NT5DC3: variants seen among roughly 807,000 people sequenced by gnomAD.
NT5DC3 encodes 5'-nucleotidase domain containing 3.
Under a neutral mutation model 67.8 loss-of-function variants are expected in NT5DC3, and 42 were observed. That is an observed-to-expected ratio of 0.62 (90% CI 0.48 to 0.80). The LOEUF (loss-of-function observed/expected upper bound fraction) is 0.80. NT5DC3 is among the 30% of genes least tolerant of loss of function. The pLI is 0.00. For missense variants in NT5DC3, 570 were observed against 696.4 expected (o/e 0.82, Z 2.04); for synonymous variants, 237 against 255.6 (o/e 0.93, Z 0.69).
downstream of NT5DC3, among the ~76,000 whole-genome samples, chr12:103,768,255 T>C (rs536519371): frequency 1.1e-4 from 17 of 151,390 alleles, no homozygotes; most frequent in African/African-American, 4.1e-4. Context: ...GCCGACATGG[T>C]GAAACCCTGT....
chr12:103,747,172 A>T, the NT5DC3 span, among the ~76,000 whole-genome samples: 108 of 152,188 alleles, frequency 7.1e-4, 2 homozygotes, highest in Middle Eastern at 0.027. Context: ...TTCAAAAAAA[A>T]ATCAGAAAAT....
the NT5DC3 span, among the ~76,000 whole-genome samples, chr12:103,756,635 C>A: frequency 6.6e-6 from 1 of 152,176 alleles, no homozygotes; most frequent in African/African-American, 2.4e-5. Context: ...TCCAGCCTCC[C>A]CCTCATGCTT....
At chr12:103,808,454 T>C (rs1051455377) in intron 2 of NT5DC3, among the ~76,000 whole-genome samples, 1 of 152,224 alleles carries the variant, frequency 6.6e-6, no homozygotes, top group Non-Finnish European at 1.5e-5. Context: ...CCTCCTTCCA[T>C]GGCTGAGCGG....
chr12:103,795,136 G>A lies in NT5DC3; in HGVS notation c.754-1139C>T, dbSNP rs560708173. Among the ~76,000 whole-genome samples, 5 of 152,306 alleles carry A rather than the reference G, an allele frequency of 3.3e-5. 1 individual carries two copies. Among genetic ancestry groups the A allele is most frequent in the African/African-American group, 1.2e-4 (5 of 41,564 alleles). On this transcript the variant is annotated intron_variant, in intron 6 of 13. Transcript: ENST00000392876. The stretch of plus-strand genomic sequence containing the variant: ...TTCAATTTCACACCAGCAGCAGAAG[G>A]CAGCAGTTAAATGCAAGTCAGACTG...
intron 11 of NT5DC3, chr12:103,785,751 TAAAAAAAAAAAAAAAA>T (rs201632707): frequency 3.3e-4 from 120 of 366,972 alleles, no homozygotes; most frequent in Middle Eastern, 8.9e-4. Context: ...CCATGGTCTG[TAAAAAAAAAAAAAAAA>T]AAAAAAAAAA....
intron 12 of NT5DC3, among the ~76,000 whole-genome samples, chr12:103,781,762 T>A (rs939530752): frequency 2.0e-5 from 3 of 152,230 alleles, no homozygotes; most frequent in Non-Finnish European, 4.4e-5. Context: ...TCATTAATCT[T>A]TCAAGTGAAA....
chr12:103,812,285 A>C (rs1887065806), intron 2 of NT5DC3, among the ~76,000 whole-genome samples: 1 of 152,250 alleles, frequency 6.6e-6, no homozygotes, highest in Non-Finnish European at 1.5e-5. Flanking sequence ...TCTTGGCTGC[A>C]AAAATGGCCC....
intron 4 of NT5DC3, among the ~76,000 whole-genome samples, chr12:103,803,870 A>G (rs28454456): frequency 1.9e-5 from 1 of 53,976 alleles, no homozygotes; most frequent in Non-Finnish European, 3.8e-5. Flanking sequence ...CCCCCCCCCC[A>G]AAAAAATGTG....
intron 5 of NT5DC3, among the ~76,000 whole-genome samples, chr12:103,797,881 C>T (rs1886389082): frequency 6.6e-6 from 1 of 152,204 alleles, no homozygotes; most frequent in African/African-American, 2.4e-5. Context: ...AACATCATGG[C>T]TCAGCCTAGC....
intron 1 of NT5DC3, among the ~76,000 whole-genome samples, chr12:103,818,265 C>T (rs1887345603): frequency 6.6e-6 from 1 of 152,180 alleles, no homozygotes. Context: ...ATTTCACTCA[C>T]ACTGACAATC....
chr12:103,784,865 T>C (rs1375275724), intron 12 of NT5DC3, among the ~76,000 whole-genome samples: 2 of 152,298 alleles, frequency 1.3e-5, no homozygotes, highest in Middle Eastern at 6.8e-3. Flanking sequence ...ATCCTCAGAA[T>C]CAACTGAGGC....
intron 1 of NT5DC3, among the ~76,000 whole-genome samples, chr12:103,834,807 G>C (rs1392159886): frequency 1.3e-5 from 2 of 152,202 alleles, no homozygotes; most frequent in African/African-American, 4.8e-5. Context: ...GCCTTTTAAA[G>C]GGAAGACACC....
At position 103,772,994 on chromosome 12, in the gene NT5DC3, G is replaced by A. The variant is rs1165221858; in HGVS notation, c.*4835C>T. The A allele has an allele frequency of 2.0e-5, 3 of 152,224 alleles. No individual in the cohort carries two copies. Among genetic ancestry groups the A allele is most frequent in the East Asian group, 3.8e-4 (2 of 5,200 alleles). 9.4% of individuals were successfully genotyped at this position (152,224 alleles called of 1,614,324 possible). ...ATGCAATGAGAGGTATATTCAACAA[G>A]TGTCTGAGCCTGATGGCTCAAGTAC... is the stretch of plus-strand genomic sequence containing the variant. On this transcript the variant is annotated 3_prime_UTR_variant, in exon 14 of 14. Coordinates refer to ENST00000392876, the MANE Select transcript of NT5DC3 (RefSeq NM_001031701.3).
chr12:103,768,921 A>C (rs1326079325), downstream of NT5DC3: 1 of 151,742 alleles, frequency 6.6e-6, no homozygotes, highest in Non-Finnish European at 1.5e-5. Flanking sequence ...GGTTGATTCC[A>C]CTCAGAGCCT....
At chr12:103,831,097 C>CA (rs1323329398) in intron 1 of NT5DC3, among the ~76,000 whole-genome samples, 1 of 152,178 alleles carries the variant, frequency 6.6e-6, no homozygotes, top group African/African-American at 2.4e-5. Context: ...TCTGTGTCCC[C>CA]ACCCAAATCT....
At chr12:103,779,955 G>A (rs565267962) in intron 13 of NT5DC3, among the ~76,000 whole-genome samples, 9 of 152,282 alleles carry the variant, frequency 5.9e-5, no homozygotes, top group African/African-American at 2.2e-4. Context: ...CTGCCCAGTA[G>A]CCACATGGTG....
In NT5DC3 at chr12:103,804,648, G is replaced by A. The variant is rs116400187; in HGVS notation, c.524+1674C>T. Among the ~76,000 whole-genome samples, 285 of 152,262 alleles carry A rather than the reference G, an allele frequency of 1.9e-3. 1 individual carries two copies. Among genetic ancestry groups the A allele is most frequent in the African/African-American group, 6.6e-3 (274 of 41,564 alleles). ...GTAATGGACTATTTGGAAAAAATCA[G>A]AGATACCTACACAGAAAACTAGGCA... On this transcript the variant is annotated intron_variant, in intron 4 of 13. Transcript: ENST00000392876.
At chr12:103,818,213 T>C (rs1055577267) in intron 1 of NT5DC3, among the ~76,000 whole-genome samples, 6 of 152,194 alleles carry the variant, frequency 3.9e-5, no homozygotes, top group African/African-American at 1.4e-4. Flanking sequence ...TACACAGAAT[T>C]TCCAGGTCAT....
chr12:103,809,026 T>C (rs1038271094), intron 2 of NT5DC3, among the ~76,000 whole-genome samples: 2 of 152,176 alleles, frequency 1.3e-5, no homozygotes, highest in African/African-American at 4.8e-5. Context: ...TTGCCCAAGG[T>C]CACACAGCTA....
Sources: allele counts gnomAD v4.1 joint callset (sites outside exome capture counted in the v4.1 genomes callset), GRCh38; gene constraint gnomAD v4.1.1; transcripts MANE v1.5; gene names NCBI Gene and HGNC (gene_info 2026-07-23, HGNC 2026-07-21).